MYH13: variants seen among roughly 807,000 people sequenced by gnomAD.
The protein encoded by MYH13 is myosin heavy chain 13, also known as myosin-13.
Under a neutral mutation model 232.1 loss-of-function variants are expected in MYH13, and 177 were observed. The observed-to-expected ratio is 0.76, with a 90% CI of 0.67 to 0.86. MYH13 has a LOEUF of 0.86. Ranked by LOEUF, MYH13 falls within the 40% of genes least tolerant of loss-of-function variation. The pLI is 0.00. For synonymous variants in MYH13, 884 were observed against 923.5 expected, an observed-to-expected ratio of 0.96 and a Z score of 0.78; for missense variants, 2,246 against 2,405.9, an observed-to-expected ratio of 0.93 and a Z score of 1.39.
rs991039617 is a variant in MYH13 at position 10,313,053 on chromosome 17, C to T, written c.4181+105G>A. The T allele has an allele frequency of 1.0e-5, 16 of 1,548,458 alleles. No homozygotes were observed. The East Asian group carries it at 3.6e-4, about 35-fold the overall frequency. ...GGGTACAATCCGAGTGTTTCAGAAA[C>T]CACAAAGGCGTGGGCAGGAAAGAAT... On this transcript the variant is annotated intron_variant, in intron 30 of 40. Coordinates refer to ENST00000252172, the MANE Select transcript of MYH13 (RefSeq NM_003802.3).
intron 37 of MYH13, among the ~76,000 whole-genome samples, 186 bp from the exon 38 acceptor site, chr17:10,303,684 A>T (rs992225174): frequency 1.3e-5 from 2 of 152,216 alleles, no homozygotes; most frequent in Non-Finnish European, 2.9e-5. Context: ...TGGGAGTGTA[A>T]ATTAGTTCAA....
chr17:10,313,024 T>G, intron 30 of MYH13, 134 bp downstream of exon 30: 2 of 1,386,792 alleles, frequency 1.4e-6, no homozygotes, highest in Admixed American at 2.2e-5. Flanking sequence ...CCCCAGAGGG[T>G]GGGGGGTACA....
rs150285417 is a variant in MYH13, at chr17:10,358,831, T to C, written c.646-1004A>G. Among the ~76,000 whole-genome samples the C allele has an allele frequency of 1.7e-3, 266 of 152,318 alleles. 2 individuals carry two copies. The highest frequency in any genetic ancestry group is 6.3e-3 in the African/African-American group (262 of 41,574). ...TCTACACAATCAGGAATTCTGGGCC[T>C]GGGTTCTGCCGCCCTTTGTTAAGAA... On this transcript the variant is annotated intron_variant, in intron 7 of 40. Coordinates refer to ENST00000252172, the MANE Select transcript of MYH13 (RefSeq NM_003802.3).
At chr17:10,308,327 CAAAA>C (rs35385439) in intron 35 of MYH13, among the ~76,000 whole-genome samples, 6 of 123,802 alleles carry the variant, frequency 4.8e-5, no homozygotes, top group Non-Finnish European at 5.0e-5. Context: ...TGCTCTGTCT[CAAAA>C]AAAAAAAAAA....
At chr17:10,347,842 C>T (rs770233448) in intron 12 of MYH13, among the ~76,000 whole-genome samples, 6 of 151,664 alleles carry the variant, frequency 4.0e-5, no homozygotes, top group African/African-American at 7.3e-5. Flanking sequence ...CCTCACCTCC[C>T]GAGTAGCTGG....
At chr17:10,316,094 A>G in intron 27 of MYH13, 69 bp from the exon 28 acceptor site, 1 of 1,520,744 alleles carries the variant, frequency 6.6e-7, no homozygotes, top group Non-Finnish European at 9.0e-7. Context: ...TGAACTGAAC[A>G]GTGTAATCAT....
intron 33 of MYH13, among the ~76,000 whole-genome samples, chr17:10,310,313 A>C (rs1450146981): frequency 6.6e-6 from 1 of 151,746 alleles, no homozygotes; most frequent in Non-Finnish European, 1.5e-5. Flanking sequence ...CTGGTCTCGA[A>C]CTCCTGACCT....
Position 10,309,845 on chromosome 17 carries a change from G to A in MYH13, c.4657-15C>T. ...TCCAAGGAACCCTGACGAAAGCAAA[G>A]GAGTGATTGAGAGTGCCGTGGACAT... is the stretch of plus-strand genomic sequence containing the variant. On this transcript the variant is annotated splice_polypyrimidine_tract_variant and intron_variant, in intron 33 of 40. Transcript: ENST00000252172. 11 of 1,543,444 alleles carry A rather than the reference G, an allele frequency of 7.1e-6. No homozygotes were observed. The highest frequency in any genetic ancestry group is 9.6e-6 in the Non-Finnish European group (11 of 1,140,652).
intron 23 of MYH13, among the ~76,000 whole-genome samples, chr17:10,323,222 A>C (rs1272426931): frequency 2.0e-5 from 3 of 152,150 alleles, no homozygotes; most frequent in East Asian, 3.9e-4. Flanking sequence ...CTGGATTCTT[A>C]ATTTGACTGA....
At chr17:10,303,331 T>G in intron 38 of MYH13, 40 bp from the exon 39 acceptor site, 1 of 1,612,872 alleles carries the variant, frequency 6.2e-7, no homozygotes, top group Non-Finnish European at 8.5e-7. Context: ...CGCAAACCTA[T>G]GGTCACTTCT....
Position 10,349,602 on chromosome 17 carries a change from C to T in MYH13, c.1144+954G>A, listed in dbSNP as rs370653862. 1.2e-4 allele frequency among the ~76,000 whole-genome samples: 18 copies of T among 152,078 alleles called. No homozygotes were observed. The East Asian group carries it at 1.9e-3, about 16-fold the overall frequency. On this transcript the variant is annotated intron_variant, in intron 12 of 40. Coordinates refer to ENST00000252172, the MANE Select transcript of MYH13 (RefSeq NM_003802.3). ...TAGGATGGCACCCAAGGTGTGCCCC[C>T]TGGTGTACATGCCTTGTATAACCTC... is the stretch of plus-strand genomic sequence containing the variant.
chr17:10,301,847 G>T, intron 39 of MYH13, 144 bp from the exon 40 acceptor site: 1 of 1,144,086 alleles, frequency 8.7e-7, no homozygotes, highest in Non-Finnish European at 1.2e-6. Context: ...GCTTTCTCCA[G>T]CGTGTGAGGA....
chr17:10,346,724 T>A lies in MYH13; in HGVS notation c.1219A>T (p.Lys407Ter), dbSNP rs745657206. 2 of 1,613,770 alleles carry A rather than the reference T, an allele frequency of 1.2e-6. No individual in the cohort carries two copies. The highest frequency in any genetic ancestry group is 2.7e-5 in the African/African-American group (2 of 74,908). The change falls in exon 13 of 41, where the codon AAG becomes TAG. Residue 407 changes from lysine (K) to a stop codon, truncating the protein, a stop_gained. Coordinates refer to ENST00000252172, the MANE Select transcript of MYH13 (RefSeq NM_003802.3). LOFTEE classifies it high-confidence loss of function. ...MLKGLCCPRV[K>*]VGNEYVTKGQ... ...TTAGTGACATATTCATTGCCAACCT[T>A]CACCCTTGGACAGCACAGGCCCTTC...
intron 26 of MYH13, 145 bp from the exon 27 acceptor site, chr17:10,319,324 C>A: frequency 2.0e-6 from 2 of 1,008,198 alleles, no homozygotes; most frequent in South Asian, 3.5e-5. Context: ...GCCTGGCCAA[C>A]ATGGTGAAAC....
intron 18 of MYH13, among the ~76,000 whole-genome samples, chr17:10,336,439 T>C (rs995194338): frequency 6.6e-6 from 1 of 152,208 alleles, no homozygotes; most frequent in Non-Finnish European, 1.5e-5. Flanking sequence ...GTATTAGCCA[T>C]GCTTTTGAAA....
rs190956710 is a variant in MYH13 at position 10,372,604 on chromosome 17, A to T, written c.-64+375T>A. Among the ~76,000 whole-genome samples, 69 of 152,348 alleles carry T rather than the reference A, an allele frequency of 4.5e-4. No individual in the cohort carries two copies. In the East Asian group the frequency reaches 0.012, roughly 25 times the overall value. The stretch of plus-strand genomic sequence containing the variant: ...GGAAACAAATTAAATAAACATAAAA[A>T]TTTCAAATAATAGCTTAAGCAATCA... On this transcript the variant is annotated intron_variant, in intron 1 of 40. Transcript: ENST00000252172.
intron 35 of MYH13, among the ~76,000 whole-genome samples, chr17:10,307,748 C>A (rs1360581006): frequency 6.6e-6 from 1 of 152,116 alleles, no homozygotes; most frequent in East Asian, 1.9e-4. Flanking sequence ...ATTGGGACAA[C>A]CTTGTTAAAG....
chr17:10,320,132 G>A, intron 26 of MYH13, 21 bp downstream of exon 26: 1 of 1,547,466 alleles, frequency 6.5e-7, no homozygotes, highest in Admixed American at 1.9e-5. Flanking sequence ...GTCATGATTG[G>A]GAAGGTTTTG....
At chr17:10,350,142 C>T (rs971309139) in intron 12 of MYH13, among the ~76,000 whole-genome samples, 2 of 152,090 alleles carry the variant, frequency 1.3e-5, no homozygotes, top group East Asian at 1.9e-4. Context: ...GGGGTGGAGG[C>T]GATGGGAGGA....
Sources: allele counts gnomAD v4.1 joint callset (sites outside exome capture counted in the v4.1 genomes callset), GRCh38; gene constraint gnomAD v4.1.1; transcripts MANE v1.5; gene names NCBI Gene and HGNC (gene_info 2026-07-23, HGNC 2026-07-21).